The following DTX1 variants were observed in gnomAD, a reference collection of about 807,000 sequenced individuals.
The protein encoded by DTX1 is E3 ubiquitin-protein ligase DTX1.
Under a neutral mutation model 57.8 loss-of-function variants are expected in DTX1, and 26 were observed. The ratio of observed to expected loss-of-function variants is 0.45; its 90% CI spans 0.33 to 0.62. DTX1 has a LOEUF of 0.62. Among genes scored for constraint, DTX1 ranks in the 20% least tolerant of loss-of-function variants. DTX1 has a pLI of 0.02. For missense variants in DTX1, 704 were observed against 895.3 expected, an observed-to-expected ratio of 0.79 and a Z score of 2.73; for synonymous variants, 398 against 394.1, an observed-to-expected ratio of 1.01 and a Z score of -0.12.
At chr12:113,061,793 C>T (rs988616732) in intron 2 of DTX1, among the ~76,000 whole-genome samples, 49 of 152,084 alleles carry the variant, frequency 3.2e-4, no homozygotes, top group African/African-American at 9.9e-4. Context: ...CCTCTTTCCC[C>T]GGGTTCAAGT....
chr12:113,067,601 A>G (rs533350192), intron 2 of DTX1, among the ~76,000 whole-genome samples: 6 of 152,348 alleles, frequency 3.9e-5, no homozygotes, highest in African/African-American at 1.4e-4. Flanking sequence ...CAGGTGCTCA[A>G]TAAATACTTG....
Position 113,095,176 on chromosome 12 carries a change from C to A in DTX1, c.1521C>A (p.Ile507=). 2 of 1,607,370 alleles carry A rather than the reference C, an allele frequency of 1.2e-6. No homozygotes were observed. The highest frequency in any genetic ancestry group is 1.7e-6 in the Non-Finnish European group (2 of 1,174,356). Residue 507 remains isoleucine (I), a synonymous_variant, in exon 8 of 10, where the codon ATC becomes ATA. Transcript: ENST00000548759. ...TCCCTGATACCCAGACCATCCGCAT[C>A]GTCTATGACATCCCCACAGGCATCC... is the stretch of plus-strand genomic sequence containing the variant. ...PGFPDTQTIR[I]VYDIPTGIQG...
At chr12:113,094,126 G>GGGC in intron 6 of DTX1, 27 bp downstream of exon 6, 16 of 964,892 alleles carry the variant, frequency 1.7e-5, no homozygotes, top group Non-Finnish European at 2.4e-5. Flanking sequence ...GGGGCTGGGG[G>GGGC]AGGGCCCTGG....
At position 113,077,551 on chromosome 12, in the gene DTX1, C is replaced by G. The variant is rs200332302; in HGVS notation, c.387C>G (p.Ile129Met). 7.9e-5 allele frequency: 127 copies of G among 1,613,812 alleles called. No homozygotes were observed. Among genetic ancestry groups the G allele is most frequent in the Admixed American group, 1.0e-4 (6 of 60,006 alleles). ...TAYDMDICIT[I>M]QNAYEKQHPW... ...ACGATATGGACATCTGCATCACCATCCAGAACGCCTACGAGAAGCAGCACC... is the reference window on the plus strand; with the variant it reads ...ACGATATGGACATCTGCATCACCATGCAGAACGCCTACGAGAAGCAGCACC... The change falls in exon 3 of 10, where the codon ATC becomes ATG. Residue 129 changes from isoleucine (I) to methionine (M), a missense_variant. By Grantham distance (10) the Ile-to-Met change is conservative (BLOSUM62 1). Around this residue, in one of 3 missense-constraint regions of DTX1, gnomAD observed 237 missense variants for 328.6 expected, o/e 0.72. Coordinates refer to ENST00000548759, the MANE Select transcript of DTX1 (RefSeq NM_004416.3). The surrounding 1 kb of genome is among the most constrained non-coding windows in gnomAD (Gnocchi z 7.8).
chr12:113,066,948 C>A (rs533438218), intron 2 of DTX1, among the ~76,000 whole-genome samples: 1 of 152,030 alleles, frequency 6.6e-6, no homozygotes, highest in African/African-American at 2.4e-5. Flanking sequence ...GCTCGGCCAC[C>A]CTGGCCAAGC....
intron 2 of DTX1, among the ~76,000 whole-genome samples, chr12:113,070,074 C>A (rs1421969664): frequency 6.6e-6 from 1 of 152,176 alleles, no homozygotes; most frequent in South Asian, 2.1e-4. Context: ...GGACCACTCA[C>A]AGATGGCATC....
At chr12:113,081,686 T>C (rs1399965781) in intron 3 of DTX1, among the ~76,000 whole-genome samples, 4 of 151,950 alleles carry the variant, frequency 2.6e-5, no homozygotes, top group Admixed American at 2.6e-4. Flanking sequence ...TCAAGGGGGC[T>C]CGAAGGGCGT....
intron 3 of DTX1, among the ~76,000 whole-genome samples, chr12:113,084,021 A>C (rs117253571): frequency 6.6e-6 from 1 of 152,258 alleles, no homozygotes; most frequent in Non-Finnish European, 1.5e-5. Context: ...TGTCATTCTC[A>C]CCTCCAACCT....
At position 113,058,070 on chromosome 12, in the gene DTX1, G is replaced by T. The variant is rs2044641166; in HGVS notation, c.-123G>T. The stretch of plus-strand genomic sequence containing the variant: ...AGGCCTCAGAGAGAACCCAGAGTTA[G>T]AAAGGAGGCCAGACGGTCCTTGCTG... On this transcript the variant is annotated 5_prime_UTR_variant, in exon 2 of 10. Transcript: ENST00000548759. 7.0e-7 allele frequency: 1 copy of T among 1,419,096 alleles called. No individual in the cohort carries two copies. The highest frequency in any genetic ancestry group is 1.5e-5 in the South Asian group (1 of 66,878). The allele number at this position is 1,419,096 out of a possible 1,614,324, so 87.9% of individuals were successfully genotyped here. A position where few individuals can be genotyped will look rare whatever the true frequency, so the allele number is the denominator to read the frequency against.
chr12:113,093,927 C>A lies in DTX1; in HGVS notation c.1166-111C>A, dbSNP rs2136067464. 2.0e-6 allele frequency: 3 copies of A among 1,492,428 alleles called. No homozygotes were observed. The highest frequency in any genetic ancestry group is 2.7e-6 in the Non-Finnish European group (3 of 1,093,752). The allele number at this position is 1,492,428 out of a possible 1,614,324, so 92.4% of individuals were successfully genotyped here. ...CCAACCCTTGCCAGCCTGACCCCGG[C>A]CAACCCTTGCCAGCCTGACCCCTGC... On this transcript the variant is annotated intron_variant, in intron 5 of 9. Coordinates refer to ENST00000548759, the MANE Select transcript of DTX1 (RefSeq NM_004416.3). This position sits in a 1 kb window ranked among gnomAD's most constrained non-coding sequence, Gnocchi z 4.2.
intron 3 of DTX1, among the ~76,000 whole-genome samples, chr12:113,088,874 G>T (rs1224121097): frequency 2.0e-5 from 3 of 152,012 alleles, no homozygotes; most frequent in Admixed American, 6.6e-5. Flanking sequence ...TTTAAGCTGG[G>T]TGTGGTGGTG....
At position 113,096,758 on chromosome 12, in the gene DTX1, T is replaced by G; in HGVS notation, c.1682T>G (p.Phe561Cys). 1 of 1,613,720 alleles carries G rather than the reference T, an allele frequency of 6.2e-7. No homozygotes were observed. Among genetic ancestry groups the G allele is most frequent in the African/African-American group, 1.3e-5 (1 of 75,006 alleles). The change falls in exon 10 of 10, where the codon TTC becomes TGC. Residue 561 changes from phenylalanine to cysteine, a missense_variant. Transcript: ENST00000548759. ...LITAWERRLI[F>C]TIGTSNTTGE... Reference sequence around the variant, plus strand: ...ACGGCCTGGGAGAGAAGACTCATCTTCACTATCGGCACGTCCAACACCACG... The same window carrying G: ...ACGGCCTGGGAGAGAAGACTCATCTGCACTATCGGCACGTCCAACACCACG...
chr12:113,093,146 T>A lies in DTX1; in HGVS notation c.942-16T>A. 6.3e-7 allele frequency: 1 copy of A among 1,585,708 alleles called. No individual in the cohort carries two copies. The highest frequency in any genetic ancestry group is 8.6e-7 in the Non-Finnish European group (1 of 1,166,054). On this transcript the variant is annotated splice_polypyrimidine_tract_variant and intron_variant, in intron 3 of 9. Transcript: ENST00000548759. This position sits in a 1 kb window ranked among gnomAD's most constrained non-coding sequence, Gnocchi z 4.2. Reference sequence around the variant, plus strand: ...GGGCTGGAGTCCAGCTGCGGCCTCTTCTCTTCTCCCCGCAGGGTCCCCGCA... The same window carrying A: ...GGGCTGGAGTCCAGCTGCGGCCTCTACTCTTCTCCCCGCAGGGTCCCCGCA...
chr12:113,070,396 G>A lies in DTX1; in HGVS notation c.260-7028G>A, dbSNP rs902893612. 6.6e-5 allele frequency among the ~76,000 whole-genome samples: 10 copies of A among 152,294 alleles called. No individual in the cohort carries two copies. In the East Asian group the frequency reaches 7.7e-4, roughly 12 times the overall value. On this transcript the variant is annotated intron_variant, in intron 2 of 9. Coordinates refer to ENST00000548759, the MANE Select transcript of DTX1 (RefSeq NM_004416.3). ...ACCGCCTCCCACGTGCCCCCTTCCCGTCAGGGTCTGGGTGCCCCCAAACTG... is the reference window on the plus strand; with the variant it reads ...ACCGCCTCCCACGTGCCCCCTTCCCATCAGGGTCTGGGTGCCCCCAAACTG...
chr12:113,088,657 G>A (rs2264886), intron 3 of DTX1, among the ~76,000 whole-genome samples: 146,236 of 152,322 alleles, frequency 0.96, 70,301 homozygotes, highest in Admixed American at 0.98. Flanking sequence ...TATGAAAAAA[G>A]AATTCAGTAA....
chr12:113,060,815 A>T (rs1226728145), intron 2 of DTX1, among the ~76,000 whole-genome samples: 1 of 152,156 alleles, frequency 6.6e-6, no homozygotes, highest in East Asian at 1.9e-4. Flanking sequence ...TGAGAGCAGA[A>T]GTGGGTAGGT....
chr12:113,089,942 A>G (rs1950234231), intron 3 of DTX1: 1 of 152,254 alleles, frequency 6.6e-6, no homozygotes. Context: ...ACTGGGCATT[A>G]TATAGACCTG....
At position 113,077,697 on chromosome 12, in the gene DTX1, C is replaced by A; in HGVS notation, c.533C>A (p.Pro178Gln). The change falls in exon 3 of 10, where the codon CCG becomes CAG. Residue 178 changes from proline to glutamine, a missense_variant. Pro to Gln is a moderately conservative substitution (Grantham distance 76, BLOSUM62 -1). Transcript: ENST00000548759. This position sits in a 1 kb window ranked among gnomAD's most constrained non-coding sequence, Gnocchi z 7.8. ...CGCCGCCGCCTGGACCTCGCCTACC[C>A]GCTCACCGTGGGCTCCATCCCTAAG... Reference protein sequence around the residue: ...RLRRRLDLAYPLTVGSIPKSQ... With the variant: ...RLRRRLDLAYQLTVGSIPKSQ... 1 of 1,549,270 alleles carries A rather than the reference C, an allele frequency of 6.5e-7. No homozygotes were observed. The highest frequency in any genetic ancestry group is 8.7e-7 in the Non-Finnish European group (1 of 1,152,460).
intron 3 of DTX1, among the ~76,000 whole-genome samples, chr12:113,078,988 T>C (rs928481214): frequency 1.3e-5 from 2 of 152,112 alleles, no homozygotes; most frequent in East Asian, 3.9e-4. Context: ...GAAACACTTT[T>C]ATGAACTGGC....
Sources: gnomAD v4.1 joint callset for allele counts (sites outside exome capture counted in the v4.1 genomes callset) on GRCh38, gnomAD v4.1.1 for gene constraint, gnomAD v4.1.1 regional missense constraint, Gnocchi (gnomAD v3.1) non-coding constraint, MANE v1.5 for transcripts, NCBI Gene and HGNC (gene_info 2026-07-23, HGNC 2026-07-21) for gene names.